WASHC2A: variants seen among roughly 807,000 people sequenced by gnomAD.
The protein encoded by WASHC2A is WASH complex subunit FAM21A.
Under a neutral mutation model 140.3 loss-of-function variants are expected in WASHC2A, and 82 were observed. The observed-to-expected ratio is 0.58, with a 90% CI of 0.49 to 0.70. WASHC2A has a LOEUF of 0.70. WASHC2A is among the 30% of genes least tolerant of loss of function. WASHC2A has a pLI of 0.00. For missense variants in WASHC2A, 985 were observed against 1,521.8 expected, an observed-to-expected ratio of 0.65 and a Z score of 5.87; for synonymous variants, 340 against 560.8, an observed-to-expected ratio of 0.61 and a Z score of 5.56.
chr10:50,131,636 CGAGAA>C (rs1843980070), intron 30 of WASHC2A, among the ~76,000 whole-genome samples: 1 of 152,168 alleles, frequency 6.6e-6, no homozygotes, highest in South Asian at 2.1e-4. Flanking sequence ...GGCAAATGCC[CGAGAA>C]CCCTAAATAT....
At chr10:50,082,516 C>G (rs1305869857) in intron 5 of WASHC2A, among the ~76,000 whole-genome samples, 24 of 144,254 alleles carry the variant, frequency 1.7e-4, no homozygotes, top group African/African-American at 5.4e-4. Context: ...GAGTTTCACT[C>G]TTGTTGCCCA....
chr10:50,073,862 A>G (rs1479864908), intron 3 of WASHC2A, among the ~76,000 whole-genome samples: 3 of 58,586 alleles, frequency 5.1e-5, no homozygotes, highest in African/African-American at 1.6e-4. Flanking sequence ...AAGCAGCTGA[A>G]GCATCACATT....
At chr10:50,088,423 T>C (rs1353136582) in intron 8 of WASHC2A, among the ~76,000 whole-genome samples, 2 of 149,878 alleles carry the variant, frequency 1.3e-5, no homozygotes, top group Non-Finnish European at 3.0e-5. Flanking sequence ...TGTGGCACCA[T>C]GCCCGGCTAA....
At chr10:50,109,780 CT>C (rs1159134471) in intron 19 of WASHC2A, among the ~76,000 whole-genome samples, 1 of 150,658 alleles carries the variant, frequency 6.6e-6, no homozygotes, top group Admixed American at 6.6e-5. Context: ...ACTTTTTTTT[CT>C]TTTTTTGAGA....
chr10:50,116,619 G>A (rs1842705402), intron 21 of WASHC2A, among the ~76,000 whole-genome samples: 1 of 150,758 alleles, frequency 6.6e-6, no homozygotes, highest in Admixed American at 6.6e-5. Flanking sequence ...GGCCTGCACT[G>A]AATTTTTATG....
intron 21 of WASHC2A, among the ~76,000 whole-genome samples, chr10:50,115,674 CAG>C (rs1259317462): frequency 2.4e-4 from 33 of 139,734 alleles, no homozygotes; most frequent in Admixed American, 2.2e-4. Context: ...CGGTGCCTGT[CAG>C]TGTGATATTT....
chr10:50,095,626 C>T lies in WASHC2A; in HGVS notation c.1268C>T (p.Ser423Phe). Residue 423 changes from serine to phenylalanine, a missense_variant, in exon 15 of 31, where the codon TCC becomes TTC. Physicochemically the swap from Ser to Phe is radical, Grantham distance 155 (BLOSUM62 -2). Coordinates refer to ENST00000282633, the MANE Select transcript of WASHC2A (RefSeq NM_001005751.3). ...LGDTDVFGAA[S>F]VPSMKEPQKP... Reference sequence around the variant, plus strand: ...GACACGGATGTGTTTGGTGCTGCCTCCGTTCCATCAATGAAGGAGCCACAG... The same window carrying T: ...GACACGGATGTGTTTGGTGCTGCCTTCGTTCCATCAATGAAGGAGCCACAG... The T allele has an allele frequency of 1.2e-6, 2 of 1,611,936 alleles. No homozygotes were observed. The highest frequency in any genetic ancestry group is 1.7e-6 in the Non-Finnish European group (2 of 1,179,854).
In WASHC2A at chr10:50,127,722, T is replaced by G; in HGVS notation, c.3014T>G (p.Leu1005Arg). 1.3e-6 allele frequency: 2 copies of G among 1,568,148 alleles called. No homozygotes were observed. The highest frequency in any genetic ancestry group is 1.7e-6 in the Non-Finnish European group (2 of 1,152,830). The change falls in exon 28 of 31, where the codon CTT (leucine) becomes CGT (arginine). Residue 1005 changes from leucine to arginine, a missense_variant. Coordinates refer to ENST00000282633, the MANE Select transcript of WASHC2A (RefSeq NM_001005751.3). ...CACGGTCTGGAAAGTGTGCCTGTCC[T>G]TCCCGGGAGTGGGGAGGCCGGTGTG... ...RSHGLESVPV[L>R]PGSGEAGVSF... is the part of the protein sequence containing the mutation.
chr10:50,083,678 G>A (rs797024936), intron 5 of WASHC2A, among the ~76,000 whole-genome samples: 1,118 of 81,292 alleles, frequency 0.014, 196 homozygotes, highest in Middle Eastern at 0.079. Context: ...TGCCTCAGCC[G>A]CCCGAGTAGC....
At chr10:50,098,547 G>A (rs1840729985) in intron 16 of WASHC2A, among the ~76,000 whole-genome samples, 4 of 97,444 alleles carry the variant, frequency 4.1e-5, no homozygotes, top group South Asian at 4.1e-4. Flanking sequence ...TGTGTGGCCC[G>A]GCTTCTAACA....
intron 5 of WASHC2A, among the ~76,000 whole-genome samples, chr10:50,082,366 C>G (rs1354406618): frequency 1.3e-5 from 2 of 151,786 alleles, no homozygotes; most frequent in African/African-American, 2.4e-5. Flanking sequence ...CCCCAGAGTC[C>G]TTTGACAAGG....
At chr10:50,091,154 C>T (rs1450985340) in intron 9 of WASHC2A, among the ~76,000 whole-genome samples, 1 of 152,074 alleles carries the variant, frequency 6.6e-6, no homozygotes, top group Admixed American at 6.6e-5. Context: ...CATCCATTCA[C>T]CTTTTTCTTA....
intron 3 of WASHC2A, among the ~76,000 whole-genome samples, chr10:50,071,392 G>A (rs1457889992): frequency 1.3e-5 from 2 of 151,112 alleles, no homozygotes; most frequent in Non-Finnish European, 1.5e-5. Context: ...TGCAAGCTCC[G>A]CCTCCCGGGT....
At chr10:50,091,551 G>A in intron 10 of WASHC2A, 33 bp downstream of exon 10, 1 of 1,549,440 alleles carries the variant, frequency 6.5e-7, no homozygotes, top group Non-Finnish European at 8.7e-7. Context: ...GGGAGTAGGG[G>A]GGGAGTAGTG....
At chr10:50,079,801 T>C (rs1211611598) in intron 4 of WASHC2A, among the ~76,000 whole-genome samples, 1 of 151,970 alleles carries the variant, frequency 6.6e-6, no homozygotes, top group Non-Finnish European at 1.5e-5. Context: ...GATAGGTATT[T>C]AGTGTACTAT....
rs1432833185 is a variant in WASHC2A, at chr10:50,131,714, C to T, written c.3886+636C>T. 3.9e-5 allele frequency among the ~76,000 whole-genome samples: 6 copies of T among 152,234 alleles called. No individual in the cohort carries two copies. The East Asian group carries it at 9.6e-4, about 24-fold the overall frequency. On this transcript the variant is annotated intron_variant, in intron 30 of 30. Transcript: ENST00000282633. ...CACATTTCCTACTCTCCCCATCAAT[C>T]TAGACCTTGAGACTAACTGGGAGAC... is the stretch of plus-strand genomic sequence containing the variant.
At chr10:50,094,959 C>T (rs1355674048) in intron 13 of WASHC2A, among the ~76,000 whole-genome samples, 189 bp from the exon 14 acceptor site, 7 of 149,868 alleles carry the variant, frequency 4.7e-5, no homozygotes, top group Non-Finnish European at 8.9e-5. Context: ...TTGTGTTAAT[C>T]CCCAAAAAAA....
rs797041875 is a variant in WASHC2A, at chr10:50,116,314, TA to T, written c.2143-1591del. Among the ~76,000 whole-genome samples, 10 of 80,942 alleles carry T rather than the reference TA, an allele frequency of 1.2e-4. 1 individual carries two copies. The highest frequency in any genetic ancestry group is 4.9e-4 in the African/African-American group (9 of 18,288). 53.1% of individuals were successfully genotyped at this position (80,942 alleles called of 152,430 possible). On this transcript the variant is annotated intron_variant, in intron 21 of 30. Transcript: ENST00000282633. ...CTATCAACTATTTGCATTGAATTAT[TA>T]TTATTTTTTTTTTTTTTTGAGACGG...
intron 7 of WASHC2A, among the ~76,000 whole-genome samples, chr10:50,087,052 A>G (rs554929636): frequency 6.8e-6 from 1 of 146,084 alleles, no homozygotes; most frequent in African/African-American, 2.5e-5. Context: ...AACCACAAAA[A>G]TTACATGTTA....
Sources: gnomAD v4.1 joint callset for allele counts (sites outside exome capture counted in the v4.1 genomes callset) on GRCh38, gnomAD v4.1.1 for gene constraint, MANE v1.5 for transcripts, NCBI Gene and HGNC (gene_info 2026-07-23, HGNC 2026-07-21) for gene names.